Variants in DNAH7 observed in about 807,000 individuals in gnomAD.
DNAH7 encodes dynein axonemal heavy chain 7.
In DNAH7, 397 loss-of-function variants were observed where a neutral mutation model predicts 444.6. That is an observed-to-expected ratio of 0.89 (90% confidence interval 0.82 to 0.97). DNAH7 has a LOEUF of 0.97. Among genes scored for constraint, DNAH7 ranks in the 50% least tolerant of loss-of-function variants. The probability of loss-of-function intolerance (pLI) is 0.00; values close to 1 mark genes in which losing one functional copy is unlikely to be tolerated. For missense variants in DNAH7, 4,902 were observed against 4,800.8 expected, an observed-to-expected ratio of 1.02 and a Z score of -0.62; for synonymous variants, 1,636 against 1,624.4, an observed-to-expected ratio of 1.01 and a Z score of -0.17.
chr2:195,851,318 G>A (rs1299162083), intron 46 of DNAH7, among the ~76,000 whole-genome samples: 2 of 152,132 alleles, frequency 1.3e-5, no homozygotes, highest in African/African-American at 4.8e-5. Context: ...GATTTGTTAA[G>A]GAAAGTAAAA....
chr2:195,740,636 TATATATATAC>T lies in DNAH7; in HGVS notation c.11868+120_11868+129del, dbSNP rs1315643272. ...GTGTGTATATATATATATATATATA[TATATATATAC>T]ATATACACACACACATATGTATACA... On this transcript the variant is annotated intron_variant, in intron 64 of 64. Coordinates refer to ENST00000312428, the MANE Select transcript of DNAH7 (RefSeq NM_018897.3). The T allele has an allele frequency of 1.5e-3, 149 of 98,882 alleles. 1 individual carries two copies. Among genetic ancestry groups the T allele is most frequent in the African/African-American group, 8.1e-3 (127 of 15,696 alleles). 6.1% of individuals were successfully genotyped at this position (98,882 alleles called of 1,614,324 possible). A position where few individuals can be genotyped will look rare whatever the true frequency, so the allele number is the denominator to read the frequency against.
intron 17 of DNAH7, among the ~76,000 whole-genome samples, chr2:195,969,219 A>G (rs7595766): frequency 0.018 from 2,731 of 152,034 alleles, 76 homozygotes; most frequent in African/African-American, 0.062. Flanking sequence ...ATTTTGTTCC[A>G]CCTCAGTGGC....
At chr2:195,741,938 GTTAAA>G (rs1008198133) in intron 63 of DNAH7, among the ~76,000 whole-genome samples, 3 of 152,152 alleles carry the variant, frequency 2.0e-5, no homozygotes, top group East Asian at 3.8e-4. Context: ...TTTAATTATA[GTTAAA>G]TTTAAATGGC....
intron 49 of DNAH7, among the ~76,000 whole-genome samples, chr2:195,821,432 GAAGA>G (rs1300396563): frequency 1.3e-5 from 2 of 152,200 alleles, no homozygotes; most frequent in Non-Finnish European, 2.9e-5. Flanking sequence ...AGCTGAGGCT[GAAGA>G]AAGAGGCTGA....
At chr2:195,776,353 G>C (rs2105949336) in intron 59 of DNAH7, among the ~76,000 whole-genome samples, 1 of 151,972 alleles carries the variant, frequency 6.6e-6, no homozygotes, top group African/African-American at 2.4e-5. Flanking sequence ...TGAGACAGGA[G>C]AATCACTTGA....
At chr2:196,001,262 T>C (rs1694017657) in intron 11 of DNAH7, among the ~76,000 whole-genome samples, 1 of 152,242 alleles carries the variant, frequency 6.6e-6, no homozygotes, top group Non-Finnish European at 1.5e-5. Flanking sequence ...TACCTCATGG[T>C]AACTTTCTCC....
intron 47 of DNAH7, 23 bp from the exon 48 acceptor site, chr2:195,834,383 T>C: frequency 6.3e-7 from 1 of 1,577,052 alleles, no homozygotes; most frequent in Admixed American, 1.7e-5. Context: ...AGAAAGACGA[T>C]GCTGGTCAAG....
intron 24 of DNAH7, among the ~76,000 whole-genome samples, chr2:195,918,450 G>A (rs1341392147): frequency 6.6e-6 from 1 of 152,212 alleles, no homozygotes; most frequent in Non-Finnish European, 1.5e-5. Flanking sequence ...TTAAAACGAT[G>A]TCCACCCAAA....
chr2:196,055,634 G>A (rs747722446), intron 2 of DNAH7, among the ~76,000 whole-genome samples: 7 of 152,190 alleles, frequency 4.6e-5, no homozygotes, highest in African/African-American at 7.2e-5. Context: ...CCTTCCCTTT[G>A]GGGAGAATGA....
Position 196,025,740 on chromosome 2 carries a change from T to C in DNAH7, c.667+1020A>G, listed in dbSNP as rs551135271. ...TAATTGTCTATCTCCCTCATTACAC[T>C]ATGAACTCTGAGGGCAGGGATTAGG... On this transcript the variant is annotated intron_variant, in intron 7 of 64. Coordinates refer to ENST00000312428, the MANE Select transcript of DNAH7 (RefSeq NM_018897.3). 4.6e-5 allele frequency among the ~76,000 whole-genome samples: 7 copies of C among 152,316 alleles called. No individual in the cohort carries two copies. In the South Asian group the frequency reaches 1.4e-3, roughly 32 times the overall value.
chr2:196,019,568 C>T (rs1043129640), intron 8 of DNAH7, among the ~76,000 whole-genome samples: 1 of 151,982 alleles, frequency 6.6e-6, no homozygotes, highest in Non-Finnish European at 1.5e-5. Flanking sequence ...CTTATTGAAT[C>T]CACAAATAAT....
At position 195,881,794 on chromosome 2, in the gene DNAH7, C is replaced by T. The variant is rs756003573; in HGVS notation, c.5961+1G>A. 2.5e-6 allele frequency: 4 copies of T among 1,613,356 alleles called. No homozygotes were observed. The highest frequency in any genetic ancestry group is 1.3e-5 in the African/African-American group (1 of 75,036). Reference sequence around the variant, plus strand: ...AATACGCAGATTTCTGCAGTACTTACCGTAATGTAAACACTTTTCCCAGTT... The same window carrying T: ...AATACGCAGATTTCTGCAGTACTTATCGTAATGTAAACACTTTTCCCAGTT... On this transcript the variant is annotated splice_donor_variant, in intron 36 of 64. Transcript: ENST00000312428. LOFTEE classifies it high-confidence loss of function.
chr2:196,013,464 C>T (rs6761681), intron 9 of DNAH7, among the ~76,000 whole-genome samples: 10,289 of 152,110 alleles, frequency 0.068, 464 homozygotes, highest in African/African-American at 0.13. Flanking sequence ...GTTATACACA[C>T]GGTTTACTCA....
chr2:195,742,863 A>G (rs1693126755), intron 63 of DNAH7, among the ~76,000 whole-genome samples: 1 of 152,248 alleles, frequency 6.6e-6, no homozygotes, highest in Non-Finnish European at 1.5e-5. Flanking sequence ...TGCTGTGACG[A>G]TTAATATTGT....
At chr2:195,863,388 A>G (rs1176991677) in intron 41 of DNAH7, among the ~76,000 whole-genome samples, 4 of 152,234 alleles carry the variant, frequency 2.6e-5, no homozygotes, top group African/African-American at 9.6e-5. Context: ...ATATGCTGTT[A>G]AAGCCAGAAG....
intron 49 of DNAH7, among the ~76,000 whole-genome samples, chr2:195,821,891 T>A (rs1022969023): frequency 1.3e-5 from 2 of 152,158 alleles, no homozygotes; most frequent in African/African-American, 4.8e-5. Context: ...TGTAAGAAAA[T>A]GTCCTGCCTG....
intron 64 of DNAH7, among the ~76,000 whole-genome samples, chr2:195,739,929 G>A (rs2105870557): frequency 1.3e-5 from 2 of 152,154 alleles, no homozygotes; most frequent in East Asian, 3.9e-4. Flanking sequence ...TTGTGTTTTT[G>A]TTGGCGATTT....
At chr2:196,042,613 T>C (rs1455531211) in intron 5 of DNAH7, among the ~76,000 whole-genome samples, 1 of 152,012 alleles carries the variant, frequency 6.6e-6, no homozygotes, top group African/African-American at 2.4e-5. Context: ...TACCCAATAT[T>C]AGTCATTAGG....
chr2:195,855,752 C>T (rs1315805155), intron 45 of DNAH7, 59 bp downstream of exon 45: 2 of 1,576,652 alleles, frequency 1.3e-6, no homozygotes, highest in African/African-American at 1.4e-5. Context: ...CTAGTACGAA[C>T]ATCATTCTTA....
Sources: gnomAD v4.1 joint callset for allele counts (sites outside exome capture counted in the v4.1 genomes callset) on GRCh38, gnomAD v4.1.1 for gene constraint, MANE v1.5 for transcripts, NCBI Gene and HGNC (gene_info 2026-07-23, HGNC 2026-07-21) for gene names.